Variants in ACACA observed in about 807,000 individuals in gnomAD.
ACACA encodes the protein acetyl-CoA carboxylase alpha.
In ACACA, 103 loss-of-function variants were observed where a neutral mutation model predicts 296.1. That is an observed-to-expected ratio of 0.35 (90% CI 0.30 to 0.41). The LOEUF is 0.41. Ranked by LOEUF, ACACA falls within the 10% of genes least tolerant of loss-of-function variation. ACACA has a pLI of 1.00. For missense variants in ACACA, 1,554 were observed against 2,989.7 expected, an observed-to-expected ratio of 0.52 and a Z score of 11.20; for synonymous variants, 953 against 1,038.6, an observed-to-expected ratio of 0.92 and a Z score of 1.58.
chr17:37,362,991 C>A (rs7501676), intron 1 of ACACA, among the ~76,000 whole-genome samples: 4,173 of 133,048 alleles, frequency 0.031, 87 homozygotes, highest in African/African-American at 0.046. Context: ...AAAAAAAAAA[C>A]AAAACCACCA....
rs9914773 is a variant in ACACA, at chr17:37,286,165, C to T, written c.339-1195G>A. ...TCGGCCTTCCAAAGTGTTGTGATTACAGGCATGAGCCACCGCGCCTGGCTG... is the reference window on the plus strand; with the variant it reads ...TCGGCCTTCCAAAGTGTTGTGATTATAGGCATGAGCCACCGCGCCTGGCTG... On this transcript the variant is annotated intron_variant, in intron 3 of 55. Transcript: ENST00000616317. Among the ~76,000 whole-genome samples the T allele has an allele frequency of 9.5e-3, 1,450 of 152,290 alleles. 20 individuals carry two copies. The highest frequency in any genetic ancestry group is 0.033 in the African/African-American group (1,380 of 41,544).
intron 25 of ACACA, among the ~76,000 whole-genome samples, chr17:37,234,136 A>C (rs2079995619): frequency 6.6e-6 from 1 of 152,178 alleles, no homozygotes; most frequent in South Asian, 2.1e-4. Flanking sequence ...CCACAAAGAG[A>C]CAAAAAGAAA....
intron 3 of ACACA, among the ~76,000 whole-genome samples, chr17:37,294,042 C>A (rs1219003010): frequency 6.6e-6 from 1 of 151,482 alleles, no homozygotes; most frequent in African/African-American, 2.4e-5. Context: ...AAGTAACAGC[C>A]TTAAAGGTAA....
chr17:37,347,463 T>C (rs543516635), intron 1 of ACACA, among the ~76,000 whole-genome samples: 1 of 152,044 alleles, frequency 6.6e-6, no homozygotes, highest in Non-Finnish European at 1.5e-5. Context: ...CCAGCTAGCT[T>C]TTTTGTGATT....
At chr17:37,199,231 C>T (rs2078138733) in intron 35 of ACACA, among the ~76,000 whole-genome samples, 1 of 146,696 alleles carries the variant, frequency 6.8e-6, no homozygotes, top group Non-Finnish European at 1.5e-5. Flanking sequence ...CTAAGCAAGA[C>T]ACTCTCTCAA....
At chr17:37,259,042 G>A (rs1477859489) in intron 12 of ACACA, among the ~76,000 whole-genome samples, 1 of 152,170 alleles carries the variant, frequency 6.6e-6, no homozygotes, top group Non-Finnish European at 1.5e-5. Context: ...ACAAAAATGA[G>A]TAGGGAATAA....
chr17:37,108,538 A>G (rs2073816536), intron 52 of ACACA, among the ~76,000 whole-genome samples: 1 of 152,112 alleles, frequency 6.6e-6, no homozygotes, highest in East Asian at 1.9e-4. Context: ...ACAGGCATGC[A>G]CCACCATGCC....
intron 33 of ACACA, among the ~76,000 whole-genome samples, chr17:37,202,810 T>C (rs1031518613): frequency 3.3e-5 from 5 of 149,620 alleles, no homozygotes; most frequent in African/African-American, 1.2e-4. Flanking sequence ...ATGCTTAGAG[T>C]GTCAGCACAG....
chr17:37,211,927 C>T (rs1025032703), intron 29 of ACACA, among the ~76,000 whole-genome samples: 15 of 152,022 alleles, frequency 9.9e-5, no homozygotes, highest in African/African-American at 3.4e-4. Flanking sequence ...TACAAGAGAT[C>T]CTTAGTTATA....
At chr17:37,209,527 G>A (rs890182794) in intron 30 of ACACA, among the ~76,000 whole-genome samples, 1 of 152,128 alleles carries the variant, frequency 6.6e-6, no homozygotes, top group East Asian at 1.9e-4. Context: ...GGTGGCTAAA[G>A]GCAGGCAGGA....
chr17:37,223,705 C>T (rs772054182), intron 27 of ACACA, 104 bp from the exon 28 acceptor site: 3 of 823,730 alleles, frequency 3.6e-6, no homozygotes, highest in Non-Finnish European at 6.3e-6. Flanking sequence ...AGAATTTTGT[C>T]TCTGAATGCC....
At chr17:37,315,238 G>A (rs970546474) in intron 3 of ACACA, among the ~76,000 whole-genome samples, 9 of 152,168 alleles carry the variant, frequency 5.9e-5, no homozygotes, top group African/African-American at 1.4e-4. Flanking sequence ...GATTACAGGC[G>A]TGAGCCACCG....
At chr17:37,305,410 C>T (rs917714973) in intron 3 of ACACA, among the ~76,000 whole-genome samples, 3 of 152,144 alleles carry the variant, frequency 2.0e-5, no homozygotes, top group African/African-American at 7.2e-5. Flanking sequence ...TGAGGAGTCA[C>T]CCCTATGTCT....
rs560608662 is a variant in ACACA at position 37,088,927 on chromosome 17, G to A, written c.7028+11C>T. 1.5e-5 allele frequency: 25 copies of A among 1,614,110 alleles called. No individual in the cohort carries two copies. Among genetic ancestry groups the A allele is most frequent in the East Asian group, 2.2e-5 (1 of 44,878 alleles). Reference sequence around the variant, plus strand: ...CTCCTTCTCTAGTGGAGTTCCCCACGTTGGTCTCACCTGCGGATTTGCTTG... The same window carrying A: ...CTCCTTCTCTAGTGGAGTTCCCCACATTGGTCTCACCTGCGGATTTGCTTG... On this transcript the variant is annotated intron_variant, in intron 55 of 55. Transcript: ENST00000616317.
At chr17:37,091,137 T>C (rs1360510614) in intron 54 of ACACA, among the ~76,000 whole-genome samples, 1 of 152,270 alleles carries the variant, frequency 6.6e-6, no homozygotes, top group Non-Finnish European at 1.5e-5. Flanking sequence ...GCTAACGAGA[T>C]GCCTGCTTCC....
At chr17:37,139,988 G>A (rs1285268897) in intron 45 of ACACA, among the ~76,000 whole-genome samples, 1 of 152,160 alleles carries the variant, frequency 6.6e-6, no homozygotes, top group Non-Finnish European at 1.5e-5. Flanking sequence ...TGTCTTTAAA[G>A]AGTGATCAGT....
chr17:37,211,878 T>G (rs1218798371), intron 29 of ACACA, among the ~76,000 whole-genome samples: 1 of 152,148 alleles, frequency 6.6e-6, no homozygotes, highest in Non-Finnish European at 1.5e-5. Flanking sequence ...GCTGTTTGGA[T>G]TCCTTAAGCC....
At chr17:37,224,264 C>A (rs2079434028) in intron 27 of ACACA, among the ~76,000 whole-genome samples, 2 of 152,134 alleles carry the variant, frequency 1.3e-5, no homozygotes, top group Admixed American at 1.3e-4. Context: ...TAGATTTGAA[C>A]TCCAGTTGAA....
At chr17:37,177,641 T>G (rs1481948640) in intron 41 of ACACA, among the ~76,000 whole-genome samples, 1 of 152,218 alleles carries the variant, frequency 6.6e-6, no homozygotes, top group African/African-American at 2.4e-5. Flanking sequence ...TCCTGAAGAC[T>G]ACACTGTTCA....
Sources: gnomAD v4.1 joint callset for allele counts (sites outside exome capture counted in the v4.1 genomes callset) on GRCh38, gnomAD v4.1.1 for gene constraint, MANE v1.5 for transcripts, NCBI Gene and HGNC (gene_info 2026-07-23, HGNC 2026-07-21) for gene names.